Variants in CSMD3 observed in about 807,000 individuals in gnomAD.
CSMD3 encodes the protein CUB and Sushi multiple domains 3.
In CSMD3, 177 loss-of-function variants were observed where a neutral mutation model predicts 435.2. The observed-to-expected ratio is 0.41, with a 90% CI of 0.36 to 0.46. CSMD3 has a LOEUF of 0.46. Among genes scored for constraint, CSMD3 ranks in the 20% least tolerant of loss-of-function variants. The pLI is 0.34. For missense variants in CSMD3, 4,265 were observed against 4,504.6 expected (o/e 0.95, Z 1.52); for synonymous variants, 1,656 against 1,520.5 (o/e 1.09, Z -2.07).
intron 30 of CSMD3, among the ~76,000 whole-genome samples, chr8:112,499,324 G>C (rs538223239): frequency 6.6e-6 from 1 of 151,934 alleles, no homozygotes; most frequent in African/African-American, 2.4e-5. Context: ...TAAACAAAGT[G>C]GTAAAGATTT....
In CSMD3 at chr8:112,291,572, C is replaced by T; in HGVS notation, c.8912G>A (p.Gly2971Glu). 1 of 1,611,728 alleles carries T rather than the reference C, an allele frequency of 6.2e-7. No homozygotes were observed. Among genetic ancestry groups the T allele is most frequent in the Non-Finnish European group, 8.5e-7 (1 of 1,178,440 alleles). The change falls in exon 56 of 71, where the codon GGA (glycine) becomes GAA (glutamate). Residue 2971 changes from glycine (G) to glutamate (E), a missense_variant. Physicochemically the swap from Gly to Glu is moderately conservative, Grantham distance 98 (BLOSUM62 -2). Transcript: ENST00000297405. ...TGGTTGACATATCAAAACTGAAGAT[C>T]CAAATAAAAAATATCCAGGATTGCA... is the stretch of plus-strand genomic sequence containing the variant. ...YDCNPGYFLF[G>E]SSVLICQPNG...
intron 5 of CSMD3, among the ~76,000 whole-genome samples, chr8:113,031,798 T>C (rs1325442581): frequency 6.6e-6 from 1 of 151,488 alleles, no homozygotes. Flanking sequence ...TGGTTTGGCT[T>C]TGTGTCCCCA....
In CSMD3 at chr8:112,740,098, C is replaced by T. The variant is rs2511528; in HGVS notation, c.1973-50048G>A. 8.3e-4 allele frequency among the ~76,000 whole-genome samples: 126 copies of T among 151,794 alleles called. 1 individual carries two copies. In the East Asian group the frequency reaches 0.022, roughly 27 times the overall value. ...TACAGGTTGGGCATTTCCAAAATAT[C>T]TGTATACAAATATTTTGAATTTTAA... On this transcript the variant is annotated intron_variant, in intron 13 of 70. Transcript: ENST00000297405.
intron 12 of CSMD3, among the ~76,000 whole-genome samples, chr8:112,823,464 A>G (rs1017285163): frequency 2.0e-5 from 3 of 152,186 alleles, no homozygotes; most frequent in African/African-American, 7.2e-5. Context: ...ATTTAGTGCT[A>G]TAAATTTCCC....
chr8:112,479,706 A>G (rs1819444340), intron 31 of CSMD3, among the ~76,000 whole-genome samples: 1 of 152,208 alleles, frequency 6.6e-6, no homozygotes, highest in South Asian at 2.1e-4. Flanking sequence ...TTAGGTCTGC[A>G]GATGCTCATA....
chr8:112,347,589 C>T (rs1340042635), intron 40 of CSMD3, among the ~76,000 whole-genome samples: 1 of 152,176 alleles, frequency 6.6e-6, no homozygotes, highest in African/African-American at 2.4e-5. Context: ...AGTCAACCTG[C>T]ATATAAACCT....
chr8:113,236,535 G>A (rs986558950), intron 3 of CSMD3, among the ~76,000 whole-genome samples: 1 of 151,902 alleles, frequency 6.6e-6, no homozygotes, highest in African/African-American at 2.4e-5. Context: ...TCTCTCTCCT[G>A]TTGATGTAAC....
chr8:113,197,861 A>G (rs185846600), intron 3 of CSMD3, among the ~76,000 whole-genome samples: 1 of 151,274 alleles, frequency 6.6e-6, no homozygotes, highest in East Asian at 1.9e-4. Flanking sequence ...ATAGCACAAC[A>G]TTGTTCTAGG....
intron 45 of CSMD3, among the ~76,000 whole-genome samples, chr8:112,330,727 C>T (rs866286100): frequency 2.6e-5 from 4 of 151,962 alleles, no homozygotes; most frequent in Non-Finnish European, 4.4e-5. Flanking sequence ...AATGAGATGA[C>T]CCATCACATT....
chr8:113,333,315 T>C (rs911488552), intron 1 of CSMD3, among the ~76,000 whole-genome samples: 21 of 151,848 alleles, frequency 1.4e-4, no homozygotes, highest in African/African-American at 4.3e-4. Flanking sequence ...TGTCCTGTTA[T>C]GGATCCTGCT....
intron 1 of CSMD3, among the ~76,000 whole-genome samples, chr8:113,327,499 C>G (rs1275338510): frequency 6.6e-6 from 1 of 152,042 alleles, no homozygotes; most frequent in South Asian, 2.1e-4. Flanking sequence ...CACTGTAACT[C>G]AACTGCTCCC....
At chr8:112,973,492 A>G (rs1373841808) in intron 7 of CSMD3, among the ~76,000 whole-genome samples, 1 of 151,802 alleles carries the variant, frequency 6.6e-6, no homozygotes, top group Non-Finnish European at 1.5e-5. Flanking sequence ...TGCATTATTT[A>G]TCTTTATTTC....
At chr8:112,262,682 G>C (rs1253275331) in intron 61 of CSMD3, among the ~76,000 whole-genome samples, 1 of 152,106 alleles carries the variant, frequency 6.6e-6, no homozygotes, top group Non-Finnish European at 1.5e-5. Flanking sequence ...AAAGTGAATA[G>C]TGAACATAAA....
chr8:113,351,008 A>C (rs1206616718), intron 1 of CSMD3, among the ~76,000 whole-genome samples: 1 of 152,012 alleles, frequency 6.6e-6, no homozygotes, highest in African/African-American at 2.4e-5. Context: ...CAATGCCCTG[A>C]ACTCAAGTCT....
chr8:113,433,343 G>C (rs770517306), intron 1 of CSMD3, among the ~76,000 whole-genome samples: 2 of 152,112 alleles, frequency 1.3e-5, no homozygotes, highest in Non-Finnish European at 2.9e-5. Flanking sequence ...GTCAGTCCCC[G>C]GGACACACGC....
At chr8:112,466,313 G>A (rs1455392933) in intron 32 of CSMD3, among the ~76,000 whole-genome samples, 2 of 152,016 alleles carry the variant, frequency 1.3e-5, no homozygotes, top group East Asian at 3.9e-4. Context: ...AAAACAATCT[G>A]TCCCTAAAAT....
In CSMD3 at chr8:113,096,177, C is replaced by G. The variant is rs73340216; in HGVS notation, c.917+2579G>C. On this transcript the variant is annotated intron_variant, in intron 5 of 70. Coordinates refer to ENST00000297405, the MANE Select transcript of CSMD3 (RefSeq NM_198123.2). ...GTATATCCAACTGTCCCCTTGAAAT[C>G]TTCAACTACAGATTTATTAGCCATC... Among the ~76,000 whole-genome samples, 544 of 152,250 alleles carry G rather than the reference C, an allele frequency of 3.6e-3. 3 individuals carry two copies. Among genetic ancestry groups the G allele is most frequent in the African/African-American group, 0.012 (508 of 41,562 alleles).
At chr8:112,598,974 C>A (rs1408643829) in intron 22 of CSMD3, among the ~76,000 whole-genome samples, 1 of 150,464 alleles carries the variant, frequency 6.6e-6, no homozygotes, top group African/African-American at 2.4e-5. Context: ...GACTTCATGT[C>A]CAAAACACCA....
intron 1 of CSMD3, among the ~76,000 whole-genome samples, chr8:113,379,329 T>C (rs2094404754): frequency 6.6e-6 from 1 of 152,182 alleles, no homozygotes; most frequent in Admixed American, 6.5e-5. Flanking sequence ...ATTTTGTGGA[T>C]AACATAATAG....
Sources: allele counts gnomAD v4.1 joint callset (sites outside exome capture counted in the v4.1 genomes callset), GRCh38; gene constraint gnomAD v4.1.1; transcripts MANE v1.5; gene names NCBI Gene and HGNC (gene_info 2026-07-23, HGNC 2026-07-21).